SH3BP2: variants seen among roughly 807,000 people sequenced by gnomAD.
SH3BP2 encodes the protein SH3 domain binding protein 2, also known as SH3 domain-binding protein 2.
Under a neutral mutation model 56.2 loss-of-function variants are expected in SH3BP2, and 38 were observed. That is an observed-to-expected ratio of 0.68 (90% CI 0.52 to 0.89). The LOEUF (loss-of-function observed/expected upper bound fraction) is 0.89. Among genes scored for constraint, SH3BP2 ranks in the 40% least tolerant of loss-of-function variants. The pLI is 0.00. For synonymous variants in SH3BP2, 346 were observed against 316.7 expected (o/e 1.09, Z -0.98); for missense variants, 748 against 762.6 (o/e 0.98, Z 0.23).
chr4:2,833,767 C>G lies in SH3BP2; in HGVS notation c.1619C>G (p.Thr540Ser). Residue 540 changes from threonine (T) to serine (S), a missense_variant, in exon 13 of 13, where the codon ACC (threonine) becomes AGC (serine). Physicochemically the swap from Thr to Ser is moderately conservative, Grantham distance 58. Around this residue, in one of 3 missense-constraint regions of SH3BP2, gnomAD observed 635 missense variants for 615.0 expected, o/e 1.03. Transcript: ENST00000503393. ...GGCAGCATGGTGGAGCACTACCACA[C>G]CCACGTGCTGCCCAGCCACCAGAGC... The part of the protein sequence containing the change: ...SVGSMVEHYH[T>S]HVLPSHQSLL... 3.1e-6 allele frequency: 5 copies of G among 1,602,068 alleles called. No individual in the cohort carries two copies. The highest frequency in any genetic ancestry group is 1.1e-5 in the South Asian group (1 of 89,216).
At position 2,824,691 on chromosome 4, in the gene SH3BP2, C is replaced by T. The variant is rs983820734; in HGVS notation, c.318C>T (p.Arg106=). Residue 106 remains arginine, a synonymous_variant, in exon 4 of 13, where the codon CGC becomes CGT. Coordinates refer to ENST00000503393, the MANE Select transcript of SH3BP2 (RefSeq NM_001122681.2). ...FKIIHISKKH[R]TWFFSASSEE... ...TCATCCATATCAGCAAGAAGCACCG[C>T]ACGTGGTTCTTCTCGGCCTCCTCCG... 1 of 1,613,824 alleles carries T rather than the reference C, an allele frequency of 6.2e-7. No individual in the cohort carries two copies. Among genetic ancestry groups the T allele is most frequent in the Non-Finnish European group, 8.5e-7 (1 of 1,179,906 alleles).
intron 11 of SH3BP2, 106 bp from the exon 12 acceptor site, chr4:2,832,883 AG>A: frequency 8.7e-7 from 1 of 1,153,862 alleles, no homozygotes; most frequent in Non-Finnish European, 1.3e-6. Flanking sequence ...CGAGGGCCAC[AG>A]GACCCAGCCT....
intron 1 of SH3BP2, among the ~76,000 whole-genome samples, chr4:2,800,139 G>A (rs564717170): frequency 1.3e-4 from 20 of 152,142 alleles, no homozygotes; most frequent in East Asian, 9.7e-4. Context: ...GGATGGGGTC[G>A]GTGACCCCTG....
chr4:2,826,866 T>A (rs1380181829), intron 5 of SH3BP2: 1 of 478,082 alleles, frequency 2.1e-6, no homozygotes, highest in African/African-American at 1.9e-5. Flanking sequence ...TCCTTGTGTC[T>A]GTGTGTCTAC....
intron 1 of SH3BP2, among the ~76,000 whole-genome samples, 181 bp downstream of exon 1, chr4:2,793,319 C>T (rs1236205315): frequency 7.0e-6 from 1 of 143,186 alleles, no homozygotes; most frequent in Admixed American, 6.8e-5. Context: ...GGGGGAGTCT[C>T]CGGGGAGTCT....
rs1235514891 is a variant in SH3BP2 at position 2,838,411 on chromosome 4, GCTT to G, written c.*4581_*4583del. 6.6e-6 allele frequency: 1 copy of G among 152,170 alleles called. No homozygotes were observed. Among genetic ancestry groups the G allele is most frequent in the Non-Finnish European group, 1.5e-5 (1 of 68,040 alleles). The allele number at this position is 152,170 out of a possible 1,614,324, so 9.4% of individuals were successfully genotyped here. Reference sequence around the variant, plus strand: ...ATACAGATGCAAATTCTGGCAGCTGGCTTCTTTGGCTCGTTATTATGTCTGTGA... The same window carrying G: ...ATACAGATGCAAATTCTGGCAGCTGGCTTTGGCTCGTTATTATGTCTGTGA... On this transcript the variant is annotated 3_prime_UTR_variant, in exon 13 of 13. Coordinates refer to ENST00000503393, the MANE Select transcript of SH3BP2 (RefSeq NM_001122681.2).
At chr4:2,822,057 A>C (rs1023448603) in intron 2 of SH3BP2, among the ~76,000 whole-genome samples, 8 of 151,912 alleles carry the variant, frequency 5.3e-5, no homozygotes, top group Admixed American at 6.6e-5. Flanking sequence ...TAGTAGAGAC[A>C]GCGTTTCACC....
At position 2,827,603 on chromosome 4, in the gene SH3BP2, C is replaced by G. The variant is rs1332546088; in HGVS notation, c.518-3C>G. 2 of 1,590,640 alleles carry G rather than the reference C, an allele frequency of 1.3e-6. No homozygotes were observed. The highest frequency in any genetic ancestry group is 1.7e-6 in the Non-Finnish European group (2 of 1,168,128). ...CTCTCACCACCCCCCTCTCCCCATG[C>G]AGACTATGAGCACGACGATGAGGAT... is the stretch of plus-strand genomic sequence containing the variant. On this transcript the variant is annotated splice_region_variant and splice_polypyrimidine_tract_variant and intron_variant, in intron 6 of 12. Coordinates refer to ENST00000503393, the MANE Select transcript of SH3BP2 (RefSeq NM_001122681.2).
At chr4:2,803,155 C>T (rs965471629) in intron 1 of SH3BP2, among the ~76,000 whole-genome samples, 1 of 152,214 alleles carries the variant, frequency 6.6e-6, no homozygotes, top group African/African-American at 2.4e-5. Flanking sequence ...CCACTTACTG[C>T]TATACGGTCC....
rs190714763 is a variant in SH3BP2 at position 2,831,418 on chromosome 4, G to C, written c.1242-153G>C. Among the ~76,000 whole-genome samples, 355 of 152,324 alleles carry C rather than the reference G, an allele frequency of 2.3e-3. 7 individuals carry two copies. The highest frequency in any genetic ancestry group is 4.6e-3 in the Admixed American group (71 of 15,296). On this transcript the variant is annotated intron_variant, in intron 8 of 12. Coordinates refer to ENST00000503393, the MANE Select transcript of SH3BP2 (RefSeq NM_001122681.2). This position sits in a 1 kb window ranked among gnomAD's most constrained non-coding sequence, Gnocchi z 4.1. ...GGGCAGTCGGCACGAGCCCTACCCG[G>C]ATCTCTGTTGTCCTGAGCTTTTTAG...
Position 2,838,491 on chromosome 4 carries a change from A to C in SH3BP2, c.*4657A>C, listed in dbSNP as rs1179805364. ...ATAGTTTGTGCATGTTCATTGCTAAAAACTTCCATTGTTTGGCTGTATCGT... is the reference window on the plus strand; with the variant it reads ...ATAGTTTGTGCATGTTCATTGCTAACAACTTCCATTGTTTGGCTGTATCGT... On this transcript the variant is annotated 3_prime_UTR_variant, in exon 13 of 13. Coordinates refer to ENST00000503393, the MANE Select transcript of SH3BP2 (RefSeq NM_001122681.2). 6.6e-6 allele frequency: 1 copy of C among 152,218 alleles called. No homozygotes were observed. The highest frequency in any genetic ancestry group is 2.1e-4 in the South Asian group (1 of 4,830). 9.4% of individuals were successfully genotyped at this position (152,218 alleles called of 1,614,324 possible). A position where few individuals can be genotyped will look rare whatever the true frequency, so the allele number is the denominator to read the frequency against.
rs995041920 is a variant in SH3BP2, at chr4:2,839,084, G to A, written c.*5250G>A. On this transcript the variant is annotated 3_prime_UTR_variant, in exon 13 of 13. Transcript: ENST00000503393. The stretch of plus-strand genomic sequence containing the variant: ...CCAAGGAGATTGAGCATATTTTTAT[G>A]TTTTTATTAACCATTTTGATTTTGT... 1 of 151,648 alleles carries A rather than the reference G, an allele frequency of 6.6e-6. No homozygotes were observed. Among genetic ancestry groups the A allele is most frequent in the Non-Finnish European group, 1.5e-5 (1 of 67,898 alleles). The allele number at this position is 151,648 out of a possible 1,614,324, so 9.4% of individuals were successfully genotyped here.
intron 6 of SH3BP2, 140 bp downstream of exon 6, chr4:2,827,458 T>C: frequency 8.5e-7 from 1 of 1,171,580 alleles, no homozygotes; most frequent in Non-Finnish European, 1.3e-6. Context: ...ATCCCTGGGC[T>C]CTGGCCTTCA....
rs75948378 is a variant in SH3BP2, at chr4:2,804,887, C to G, written c.-5+11749C>G. ...ACGCTGGCTGGGTAGCCAAGCGTTGCAGCTCACTCAGCCTCGAGGTCCTAA... is the reference window on the plus strand; with the variant it reads ...ACGCTGGCTGGGTAGCCAAGCGTTGGAGCTCACTCAGCCTCGAGGTCCTAA... On this transcript the variant is annotated intron_variant, in intron 1 of 12. Transcript: ENST00000503393. 3.9e-5 allele frequency among the ~76,000 whole-genome samples: 6 copies of G among 152,368 alleles called. No individual in the cohort carries two copies. In the East Asian group the frequency reaches 7.7e-4, roughly 20 times the overall value.
At position 2,832,984 on chromosome 4, in the gene SH3BP2, C is replaced by T. The variant is rs762256499; in HGVS notation, c.1489-6C>T. On this transcript the variant is annotated splice_polypyrimidine_tract_variant and splice_region_variant and intron_variant, in intron 11 of 12. Transcript: ENST00000503393. ...GAGCCGTCAGCCTCCCGCTTCCGTC[C>T]TGTAGGTCCTGGTTGTGTGGGACGA... The T allele has an allele frequency of 2.5e-6, 4 of 1,614,208 alleles. No individual in the cohort carries two copies. Among genetic ancestry groups the T allele is most frequent in the Non-Finnish European group, 3.4e-6 (4 of 1,180,018 alleles).
chr4:2,828,638 G>A (rs1308237109), intron 7 of SH3BP2, among the ~76,000 whole-genome samples: 1 of 152,242 alleles, frequency 6.6e-6, no homozygotes. Flanking sequence ...CGTCTGCCCA[G>A]CCCTGAGCTG....
chr4:2,793,527 TC>T (rs1406163398), intron 1 of SH3BP2, among the ~76,000 whole-genome samples: 9 of 149,828 alleles, frequency 6.0e-5, no homozygotes, highest in African/African-American at 2.0e-4. Flanking sequence ...GGGCCGGGTG[TC>T]CCTTGCCGGG....
intron 11 of SH3BP2, 97 bp downstream of exon 11, chr4:2,832,509 C>A: frequency 1.2e-6 from 1 of 867,492 alleles, no homozygotes; most frequent in Admixed American, 1.7e-5. Flanking sequence ...AACCACTCCC[C>A]TTGTGGACTC....
chr4:2,817,355 C>G (rs1355345129), intron 1 of SH3BP2, among the ~76,000 whole-genome samples: 1 of 152,138 alleles, frequency 6.6e-6, no homozygotes, highest in Admixed American at 6.5e-5. Flanking sequence ...GAGGTGGGAT[C>G]CTTGAGGCAG....
Sources: allele counts gnomAD v4.1 joint callset (sites outside exome capture counted in the v4.1 genomes callset), GRCh38; gene constraint gnomAD v4.1.1; regional missense constraint gnomAD v4.1.1; non-coding constraint Gnocchi (gnomAD v3.1); transcripts MANE v1.5; gene names NCBI Gene and HGNC (gene_info 2026-07-23, HGNC 2026-07-21).